CAPN3: variants seen among roughly 807,000 people sequenced by gnomAD.
The protein encoded by CAPN3 is calpain-3.
CAPN3 carries 88 observed loss-of-function variants against 114.0 expected under a neutral mutation model. The observed-to-expected ratio is 0.77, with a 90% CI of 0.65 to 0.92. CAPN3 has a LOEUF of 0.92. Ranked by LOEUF, CAPN3 falls within the 40% of genes least tolerant of loss-of-function variation. The probability of loss-of-function intolerance (pLI) is 0.00; values close to 1 mark genes in which losing one functional copy is unlikely to be tolerated. For missense variants in CAPN3, 1,028 were observed against 1,069.0 expected, an observed-to-expected ratio of 0.96 and a Z score of 0.53; for synonymous variants, 386 against 382.9, an observed-to-expected ratio of 1.01 and a Z score of -0.09.
At chr15:42,402,230 T>C (rs2053893445) in intron 12 of CAPN3, 95 bp downstream of exon 12, 1 of 1,606,422 alleles carries the variant, frequency 6.2e-7, no homozygotes, top group Non-Finnish European at 8.5e-7. Flanking sequence ...TGGTGGGGTT[T>C]GTGGGCAGGA....
intron 8 of CAPN3, 129 bp from the exon 9 acceptor site, chr15:42,396,671 C>T (rs1425950892): frequency 1.1e-5 from 8 of 729,434 alleles, no homozygotes; most frequent in African/African-American, 1.7e-5. Context: ...CTGAGGTTAA[C>T]AGGTGAAGTC....
chr15:42,404,950 C>A (rs983117122), intron 14 of CAPN3: 7 of 997,690 alleles, frequency 7.0e-6, no homozygotes, highest in Non-Finnish European at 8.4e-6. Flanking sequence ...GGAGCTGGCA[C>A]GTCACGTGAG....
At chr15:42,370,095 A>T (rs889327991) in intron 1 of CAPN3, among the ~76,000 whole-genome samples, 1 of 151,160 alleles carries the variant, frequency 6.6e-6, no homozygotes. Flanking sequence ...CTGGTCTCGA[A>T]CTCCTGACCT....
chr15:42,388,802 G>C (rs1340818888), intron 4 of CAPN3, 126 bp from the exon 5 acceptor site: 3 of 830,482 alleles, frequency 3.6e-6, no homozygotes, highest in Non-Finnish European at 6.4e-6. Context: ...TGAGCTCATA[G>C]GGTTAATGTG....
At chr15:42,370,396 G>A (rs952955222) in intron 1 of CAPN3, among the ~76,000 whole-genome samples, 1 of 152,152 alleles carries the variant, frequency 6.6e-6, no homozygotes, top group East Asian at 1.9e-4. Flanking sequence ...AGAGAGGGAG[G>A]GGGCTGAATC....
Position 42,396,840 on chromosome 15 carries a change from CGTCTGCAGCACCAG to C in CAPN3, c.1160_1173del (p.Leu387HisfsTer2). The C allele has an allele frequency of 6.2e-7, 1 of 1,613,972 alleles. No individual in the cohort carries two copies. The highest frequency in any genetic ancestry group is 8.5e-7 in the Non-Finnish European group (1 of 1,179,892). On this transcript the variant is annotated frameshift_variant, in exon 9 of 24. Transcript: ENST00000397163. LOFTEE classifies it high-confidence loss of function. ...CTTTGTGGACAAAGATGAGAAGGCC[CGTCTGCAGCACCAG>C]GTCACTGAGGATGGAGAGTTCTGGT...
Position 42,403,107 on chromosome 15 carries a change from T to G in CAPN3, c.1745+105T>G, listed in dbSNP as rs1340472866. ...AGACACGTCTCCTCCAGGGTCCTTC[T>G]GCTGCTCCTGAGCCACTGGCCACAT... On this transcript the variant is annotated intron_variant, in intron 13 of 23. Coordinates refer to ENST00000397163, the MANE Select transcript of CAPN3 (RefSeq NM_000070.3). 18 of 889,210 alleles carry G rather than the reference T, an allele frequency of 2.0e-5. No homozygotes were observed. The East Asian group carries it at 4.3e-4, about 21-fold the overall frequency. The allele number at this position is 889,210 out of a possible 1,614,324, so 55.1% of individuals were successfully genotyped here.
chr15:42,397,308 C>T (rs573194013), intron 9 of CAPN3, among the ~76,000 whole-genome samples: 20 of 152,256 alleles, frequency 1.3e-4, no homozygotes, highest in African/African-American at 4.1e-4. Context: ...CTAAGTTCCC[C>T]GAGGACTGGG....
At chr15:42,371,453 A>C (rs907270655) in intron 1 of CAPN3, among the ~76,000 whole-genome samples, 6 of 152,174 alleles carry the variant, frequency 3.9e-5, no homozygotes, top group African/African-American at 1.4e-4. Flanking sequence ...AAATAAGGCA[A>C]AGCATCTTTT....
chr15:42,401,478 C>A (rs1457288260), intron 10 of CAPN3, among the ~76,000 whole-genome samples, 163 bp from the exon 11 acceptor site: 29 of 126,524 alleles, frequency 2.3e-4, no homozygotes, highest in Non-Finnish European at 5.1e-4. Context: ...GTAGCGCCCC[C>A]CCCCCCCCCA....
At chr15:42,398,624 CACACACACACATATATAT>C (rs1482272476) in intron 9 of CAPN3, among the ~76,000 whole-genome samples, 7 of 144,402 alleles carry the variant, frequency 4.8e-5, no homozygotes, top group Admixed American at 2.0e-4. Flanking sequence ...CACACACACA[CACACACACACATATATAT>C]ACACACATAT....
intron 15 of CAPN3, among the ~76,000 whole-genome samples, chr15:42,407,686 G>A (rs1171305844): frequency 6.6e-6 from 1 of 152,132 alleles, no homozygotes; most frequent in East Asian, 1.9e-4. Flanking sequence ...GTGTTCTGAT[G>A]GCTCACCCAC....
Position 42,412,030 on chromosome 15 carries a change from C to A in CAPN3, c.*257C>A. 1 of 1,513,450 alleles carries A rather than the reference C, an allele frequency of 6.6e-7. No homozygotes were observed. Among genetic ancestry groups the A allele is most frequent in the Non-Finnish European group, 8.8e-7 (1 of 1,135,554 alleles). The allele number at this position is 1,513,450 out of a possible 1,614,324, so 93.8% of individuals were successfully genotyped here. On this transcript the variant is annotated 3_prime_UTR_variant, in exon 24 of 24. Coordinates refer to ENST00000397163, the MANE Select transcript of CAPN3 (RefSeq NM_000070.3). ...TTGCCATGTGGAGGAAAGTGCCTGC[C>A]TCTGGTCCGAGCCGCCTCGGTTCTG...
chr15:42,360,257 G>A lies in CAPN3; in HGVS notation c.309+143G>A, dbSNP rs1047028194. The A allele has an allele frequency of 2.4e-5, 22 of 911,118 alleles. No homozygotes were observed. In the East Asian group the frequency reaches 5.1e-4, roughly 21 times the overall value. The allele number at this position is 911,118 out of a possible 1,614,324, so 56.4% of individuals were successfully genotyped here. A position where few individuals can be genotyped will look rare whatever the true frequency, so the allele number is the denominator to read the frequency against. The stretch of plus-strand genomic sequence containing the variant: ...TCTGCTGGGCTCTGTCTTTAAGTGT[G>A]AAGCAGGGAGGAGAGGAACAGGTCT... On this transcript the variant is annotated intron_variant, in intron 1 of 23. Coordinates refer to ENST00000397163, the MANE Select transcript of CAPN3 (RefSeq NM_000070.3).
intron 8 of CAPN3, among the ~76,000 whole-genome samples, chr15:42,396,430 C>T (rs28364465): frequency 0.03 from 4,599 of 151,966 alleles, 241 homozygotes; most frequent in African/African-American, 0.11. Flanking sequence ...TTTATTAGGA[C>T]GGGGTTTCAC....
Position 42,386,151 on chromosome 15 carries a change from C to T in CAPN3, c.380-16C>T. On this transcript the variant is annotated splice_polypyrimidine_tract_variant and intron_variant, in intron 2 of 23. Coordinates refer to ENST00000397163, the MANE Select transcript of CAPN3 (RefSeq NM_000070.3). The stretch of plus-strand genomic sequence containing the variant: ...AGCAGGAGTGCTCACGATCTGTGCC[C>T]TGTGTCTGCCTGCAGGGGACTGCTG... The T allele has an allele frequency of 1.3e-6, 2 of 1,573,890 alleles. No homozygotes were observed. The highest frequency in any genetic ancestry group is 1.7e-6 in the Non-Finnish European group (2 of 1,143,496).
chr15:42,389,155 C>T, intron 5 of CAPN3, 59 bp downstream of exon 5: 1 of 1,518,220 alleles, frequency 6.6e-7, no homozygotes, highest in South Asian at 1.1e-5. Flanking sequence ...AGCCTTTTAC[C>T]CAATGAAGGG....
At chr15:42,364,062 A>G (rs538684553) in intron 1 of CAPN3, among the ~76,000 whole-genome samples, 1 of 152,264 alleles carries the variant, frequency 6.6e-6, no homozygotes, top group East Asian at 1.9e-4. Flanking sequence ...GGTGTCATTT[A>G]TTGGGCCTCC....
rs115646645 is a variant in CAPN3 at position 42,368,303 on chromosome 15, A to G, written c.309+8189A>G. On this transcript the variant is annotated intron_variant, in intron 1 of 23. Transcript: ENST00000397163. ...AGAATGTCCTTTTCATGACGTCTTT[A>G]GTGCCATGTTTTTCTCATTTCTGTG... is the stretch of plus-strand genomic sequence containing the variant. Among the ~76,000 whole-genome samples the G allele has an allele frequency of 8.0e-3, 1,221 of 152,294 alleles. 14 individuals carry two copies. Among genetic ancestry groups the G allele is most frequent in the African/African-American group, 0.028 (1,167 of 41,548 alleles).
Sources: allele counts gnomAD v4.1 joint callset (sites outside exome capture counted in the v4.1 genomes callset), GRCh38; gene constraint gnomAD v4.1.1; transcripts MANE v1.5; gene names NCBI Gene and HGNC (gene_info 2026-07-23, HGNC 2026-07-21).